SSH2: variants seen among roughly 807,000 people sequenced by gnomAD.
The protein encoded by SSH2 is protein phosphatase Slingshot homolog 2.
A neutral mutation model predicts 135.2 loss-of-function variants in SSH2; 37 were observed. The observed-to-expected ratio is 0.27, with a 90% confidence interval of 0.21 to 0.36. The LOEUF (loss-of-function observed/expected upper bound fraction) is 0.36, where lower values mean the gene tolerates loss of function less well. Ranked by LOEUF, SSH2 falls within the 10% of genes least tolerant of loss-of-function variation. SSH2 has a pLI of 1.00. For synonymous variants in SSH2, 628 were observed against 646.2 expected (o/e 0.97, Z 0.43); for missense variants, 1,408 against 1,765.3 (o/e 0.80, Z 3.63).
chr17:29,920,035 T>C (rs908609068), intron 1 of SSH2, among the ~76,000 whole-genome samples: 1 of 152,048 alleles, frequency 6.6e-6, no homozygotes, highest in Admixed American at 6.6e-5. Flanking sequence ...GCCTCCCGAG[T>C]AGCTGGGATT....
chr17:29,656,470 A>T (rs1395207806), intron 11 of SSH2, among the ~76,000 whole-genome samples: 1 of 152,092 alleles, frequency 6.6e-6, no homozygotes, highest in Non-Finnish European at 1.5e-5. Context: ...GACACCGCGC[A>T]GGGCCGCTCA....
At chr17:29,849,369 C>CT (rs777208108) in intron 1 of SSH2, among the ~76,000 whole-genome samples, 31 of 151,440 alleles carry the variant, frequency 2.0e-4, no homozygotes, top group Admixed American at 9.9e-4. Context: ...GTCCCAGCTA[C>CT]TCGGGAGGCT....
At chr17:29,850,443 G>C (rs2065534533) in intron 1 of SSH2, among the ~76,000 whole-genome samples, 1 of 152,132 alleles carries the variant, frequency 6.6e-6, no homozygotes, top group African/African-American at 2.4e-5. Context: ...TTTTTCACAG[G>C]TAGGGCTGTG....
chr17:29,856,741 G>A (rs2065670150), intron 1 of SSH2, among the ~76,000 whole-genome samples: 1 of 152,140 alleles, frequency 6.6e-6, no homozygotes, highest in South Asian at 2.1e-4. Flanking sequence ...CACTATGCCA[G>A]TTCCCAAGGA....
chr17:29,647,456 ATT>A (rs879539533), intron 14 of SSH2, among the ~76,000 whole-genome samples: 1 of 145,542 alleles, frequency 6.9e-6, no homozygotes, highest in African/African-American at 2.5e-5. Context: ...ACTGGTATCC[ATT>A]TTTTTTTTTT....
chr17:29,639,290 T>C (rs1454113695), intron 14 of SSH2, among the ~76,000 whole-genome samples: 5 of 152,178 alleles, frequency 3.3e-5, no homozygotes, highest in Admixed American at 2.0e-4. Flanking sequence ...GTGGCCCTTT[T>C]GTTGGTCAGG....
intron 5 of SSH2, among the ~76,000 whole-genome samples, chr17:29,685,445 G>T (rs955360189): frequency 1.3e-5 from 2 of 152,104 alleles, no homozygotes; most frequent in African/African-American, 4.8e-5. Context: ...ATTTAACAGG[G>T]AGTGGGGACA....
At chr17:29,866,629 A>G (rs1213539661) in intron 1 of SSH2, among the ~76,000 whole-genome samples, 1 of 152,240 alleles carries the variant, frequency 6.6e-6, no homozygotes. Flanking sequence ...TAGACCTAGA[A>G]TATCAGGGCA....
intron 11 of SSH2, among the ~76,000 whole-genome samples, chr17:29,663,009 T>C (rs1401495733): frequency 6.6e-6 from 1 of 152,252 alleles, no homozygotes; most frequent in African/African-American, 2.4e-5. Flanking sequence ...GAGCTGATGA[T>C]ACTGAAACTT....
At chr17:29,699,705 T>C (rs898396424) in intron 4 of SSH2, among the ~76,000 whole-genome samples, 2 of 152,204 alleles carry the variant, frequency 1.3e-5, no homozygotes, top group Non-Finnish European at 2.9e-5. Context: ...CCCAACATTC[T>C]AGTCAGACAA....
chr17:29,648,176 T>C lies in SSH2; in HGVS notation c.1395A>G (p.Gln465=). The change falls in exon 14 of 16, where the codon CAA becomes CAG. Residue 465 remains glutamine (Q), a synonymous_variant. Coordinates refer to ENST00000540801, the MANE Select transcript of SSH2 (RefSeq NM_001282129.2). The part of the protein sequence containing the change: ...VTKPNPSFMR[Q]LEEYQGILLA... ...GCAAGATCCCCTGATACTCTTCCAG[T>C]TGTCTCATGAAGCTTGGGTTGGGCT... The C allele has an allele frequency of 6.2e-7, 1 of 1,614,124 alleles. No homozygotes were observed. The highest frequency in any genetic ancestry group is 8.5e-7 in the Non-Finnish European group (1 of 1,180,030).
chr17:29,911,602 C>T (rs1459513518), intron 1 of SSH2, among the ~76,000 whole-genome samples: 1 of 152,108 alleles, frequency 6.6e-6, no homozygotes, highest in Non-Finnish European at 1.5e-5. Context: ...AATTACTATG[C>T]TATATTGCAA....
chr17:29,730,823 AGTT>A (rs2040165980), intron 3 of SSH2, among the ~76,000 whole-genome samples: 2 of 152,172 alleles, frequency 1.3e-5, no homozygotes, highest in South Asian at 2.1e-4. Context: ...TACCCACACA[AGTT>A]GTTTTTAAAA....
intron 3 of SSH2, among the ~76,000 whole-genome samples, chr17:29,717,522 C>A (rs1386647720): frequency 6.6e-6 from 1 of 152,138 alleles, no homozygotes; most frequent in Non-Finnish European, 1.5e-5. Flanking sequence ...CAACAACTGG[C>A]CAGAGATGAG....
chr17:29,900,755 T>C (rs2066536296), intron 1 of SSH2, among the ~76,000 whole-genome samples: 1 of 152,130 alleles, frequency 6.6e-6, no homozygotes, highest in Non-Finnish European at 1.5e-5. Flanking sequence ...GAAATACCAT[T>C]TGACCCAGCC....
Position 29,761,117 on chromosome 17 carries a change from T to C in SSH2, c.188+32777A>G, listed in dbSNP as rs139071673. 3.9e-5 allele frequency: 50 copies of C among 1,287,326 alleles called. No individual in the cohort carries two copies. The African/African-American group carries it at 7.5e-4, about 19-fold the overall frequency. The allele number at this position is 1,287,326 out of a possible 1,614,324, so 79.7% of individuals were successfully genotyped here. On this transcript the variant is annotated intron_variant, in intron 3 of 15. Transcript: ENST00000540801. ...GCTGAAAGAGCAAACTTTCTGAGCG[T>C]TCGCGGAGGCGGAGGGCGCGCGGCG...
chr17:29,902,914 A>G (rs1468282747), intron 1 of SSH2, among the ~76,000 whole-genome samples: 1 of 152,158 alleles, frequency 6.6e-6, no homozygotes, highest in Non-Finnish European at 1.5e-5. Context: ...GTCCAGGCAC[A>G]GTGGCTCACA....
intron 3 of SSH2, among the ~76,000 whole-genome samples, chr17:29,790,078 T>C (rs1429216483): frequency 6.6e-6 from 1 of 152,182 alleles, no homozygotes; most frequent in East Asian, 1.9e-4. Flanking sequence ...TTTTGTCTTT[T>C]AAAGATGTTG....
At chr17:29,724,208 T>TGGTTTTA (rs1436124281) in intron 3 of SSH2, among the ~76,000 whole-genome samples, 12 of 152,190 alleles carry the variant, frequency 7.9e-5, no homozygotes, top group Non-Finnish European at 1.5e-4. Context: ...TCATATAATC[T>TGGTTTTA]AACTGAGGTT....
Sources: gnomAD v4.1 joint callset for allele counts (sites outside exome capture counted in the v4.1 genomes callset) on GRCh38, gnomAD v4.1.1 for gene constraint, MANE v1.5 for transcripts, NCBI Gene and HGNC (gene_info 2026-07-23, HGNC 2026-07-21) for gene names.